The following ADNP variants were observed in gnomAD, a reference collection of about 807,000 sequenced individuals.
ADNP encodes activity dependent neuroprotector homeobox.
Under a neutral mutation model 84.9 loss-of-function variants are expected in ADNP, and 4 were observed. That is an observed-to-expected ratio of 0.05 (90% CI 0.02 to 0.11). The LOEUF (loss-of-function observed/expected upper bound fraction) is 0.11, where lower values mean the gene tolerates loss of function less well. Among genes scored for constraint, ADNP ranks in the 10% least tolerant of loss-of-function variants. The pLI is 1.00. For synonymous variants in ADNP, 554 were observed against 468.1 expected (o/e 1.18, Z -2.37); for missense variants, 1,132 against 1,326.0 (o/e 0.85, Z 2.27).
intron 2 of ADNP, among the ~76,000 whole-genome samples, chr20:50,927,560 C>CA (rs1568748562): frequency 2.1e-5 from 3 of 144,404 alleles, no homozygotes; most frequent in Non-Finnish European, 4.6e-5. Flanking sequence ...AATTGTTTCA[C>CA]TTTTTTTTTT....
At chr20:50,903,356 G>A (rs754702304) in intron 4 of ADNP, among the ~76,000 whole-genome samples, 2 of 152,180 alleles carry the variant, frequency 1.3e-5, no homozygotes, top group African/African-American at 4.8e-5. Context: ...AAGGGGGAAA[G>A]TAATAGTCTA....
At chr20:50,919,863 G>C (rs998092182) in intron 2 of ADNP, among the ~76,000 whole-genome samples, 2 of 152,186 alleles carry the variant, frequency 1.3e-5, no homozygotes, top group Non-Finnish European at 2.9e-5. Flanking sequence ...GGAAAGGCAG[G>C]GTGAGGATAG....
chr20:50,892,888 G>A lies in ADNP; in HGVS notation c.1826C>T (p.Pro609Leu). The A allele has an allele frequency of 1.2e-6, 2 of 1,614,250 alleles. No homozygotes were observed. The highest frequency in any genetic ancestry group is 1.7e-6 in the Non-Finnish European group (2 of 1,180,044). Residue 609 changes from proline to leucine, a missense_variant, in exon 6 of 6, where the codon CCT (proline) becomes CTT (leucine). By Grantham distance (98) the Pro-to-Leu change is moderately conservative (BLOSUM62 -3). Around this residue, in one of 10 missense-constraint regions of ADNP, gnomAD observed 53 missense variants for 39.8 expected, o/e 1.33. Transcript: ENST00000621696. ...EKADIPVKSS[P>L]QAAVPYKKDV... is the part of the protein sequence containing the mutation. ...TTTTTTATAGGGCACTGCAGCTTGA[G>A]GTGAACTTTTTACAGGGATATCTGC...
intron 2 of ADNP, among the ~76,000 whole-genome samples, chr20:50,924,278 A>C (rs1024482455): frequency 2.0e-4 from 31 of 152,304 alleles, no homozygotes; most frequent in Admixed American, 9.1e-4. Flanking sequence ...GAAATATGCT[A>C]CTCCAATTAA....
At position 50,893,229 on chromosome 20, in the gene ADNP, A is replaced by G. The variant is rs2122752816; in HGVS notation, c.1485T>C (p.Asn495=). ...HNFTSKCLYC[N]RYLPTDTLLN... ...GCAGAGTATCTGTGGGTAAATAGCG[A>G]TTACAGTAGAGGCATTTGCTAGTAA... The change falls in exon 6 of 6, where the codon AAT becomes AAC. Residue 495 remains asparagine, a synonymous_variant. Coordinates refer to ENST00000621696, the MANE Select transcript of ADNP (RefSeq NM_001282531.3). This position sits in a 1 kb window ranked among gnomAD's most constrained non-coding sequence, Gnocchi z 4.4. The G allele has an allele frequency of 6.2e-7, 1 of 1,614,264 alleles. No individual in the cohort carries two copies. Among genetic ancestry groups the G allele is most frequent in the Non-Finnish European group, 8.5e-7 (1 of 1,180,056 alleles).
chr20:50,917,581 T>C (rs551213208), intron 2 of ADNP, among the ~76,000 whole-genome samples: 3 of 152,358 alleles, frequency 2.0e-5, no homozygotes, highest in Admixed American at 6.5e-5. Context: ...TCTAAGCATG[T>C]TCTTCTGAAA....
chr20:50,912,249 C>A (rs955904853), intron 2 of ADNP, among the ~76,000 whole-genome samples: 3 of 152,152 alleles, frequency 2.0e-5, no homozygotes, highest in African/African-American at 7.2e-5. Context: ...CAGGTTCCAG[C>A]GATTCTCCCA....
chr20:50,901,784 T>C (rs1157592769), intron 5 of ADNP, among the ~76,000 whole-genome samples: 1 of 152,232 alleles, frequency 6.6e-6, no homozygotes, highest in Non-Finnish European at 1.5e-5. Context: ...CTTCGTAACT[T>C]TTAAGTAACA....
rs374423879 is a variant in ADNP, at chr20:50,891,714, A to G, written c.3000T>C (p.Ser1000=). 4 of 1,614,038 alleles carry G rather than the reference A, an allele frequency of 2.5e-6. No homozygotes were observed. The African/African-American group carries it at 5.3e-5, about 22-fold the overall frequency. Residue 1000 remains serine (S), a synonymous_variant, in exon 6 of 6, where the codon TCT becomes TCC. Coordinates refer to ENST00000621696, the MANE Select transcript of ADNP (RefSeq NM_001282531.3). ...EMKPGTWSDE[S]SQSEDARSSK... ...TGCTCCTTGCATCTTCGCTTTGGGA[A>G]GACTCGTCAGACCAGGTTCCTGGTT...
Position 50,907,750 on chromosome 20 carries a change from A to G in ADNP, c.-89-2901T>C, listed in dbSNP as rs555976710. On this transcript the variant is annotated intron_variant, in intron 2 of 5. Transcript: ENST00000621696. ...GCACACTACCTAGACGCCTGGCTAT[A>G]TTTTGTGTGTGTGTGTGTGTTTTTT... Among the ~76,000 whole-genome samples the G allele has an allele frequency of 3.3e-5, 4 of 122,986 alleles. No homozygotes were observed. In the South Asian group the frequency reaches 9.3e-4, roughly 29 times the overall value. 80.7% of individuals were successfully genotyped at this position (122,986 alleles called of 152,430 possible).
intron 2 of ADNP, 162 bp from the exon 3 acceptor site, chr20:50,905,011 T>G (rs1982334502): frequency 6.6e-6 from 1 of 152,196 alleles, no homozygotes; most frequent in Non-Finnish European, 1.5e-5. Context: ...AAATGTTAAC[T>G]GTTACAGACT....
rs970531180 is a variant in ADNP, at chr20:50,889,008, G to T, written c.*2397C>A. The T allele has an allele frequency of 6.6e-6, 1 of 152,138 alleles. No individual in the cohort carries two copies. Among genetic ancestry groups the T allele is most frequent in the African/African-American group, 2.4e-5 (1 of 41,426 alleles). The allele number at this position is 152,138 out of a possible 1,614,324, so 9.4% of individuals were successfully genotyped here. A position where few individuals can be genotyped will look rare whatever the true frequency, so the allele number is the denominator to read the frequency against. ...GTGGCAGCACGTTGCCATAGCCAAC[G>T]ATCTCCAGATTATTTGAAAAGCAAA... is the stretch of plus-strand genomic sequence containing the variant. On this transcript the variant is annotated 3_prime_UTR_variant, in exon 6 of 6. Coordinates refer to ENST00000621696, the MANE Select transcript of ADNP (RefSeq NM_001282531.3).
At chr20:50,930,521 T>A (rs1169830635) in intron 1 of ADNP, among the ~76,000 whole-genome samples, 1 of 151,362 alleles carries the variant, frequency 6.6e-6, no homozygotes, top group Non-Finnish European at 1.5e-5. Context: ...TGCCCTTAGC[T>A]GCAAAAGCTC....
At chr20:50,912,663 A>C (rs2122910532) in intron 2 of ADNP, among the ~76,000 whole-genome samples, 1 of 152,312 alleles carries the variant, frequency 6.6e-6, no homozygotes, top group African/African-American at 2.4e-5. Context: ...ATCTGGGCCT[A>C]GTGGGCAATC....
At position 50,894,097 on chromosome 20, in the gene ADNP, T is replaced by C; in HGVS notation, c.617A>G (p.Asn206Ser). The change falls in exon 6 of 6, where the codon AAT becomes AGT. Residue 206 changes from asparagine (N) to serine (S), a missense_variant. Asn to Ser is a conservative substitution (Grantham distance 46). Coordinates refer to ENST00000621696, the MANE Select transcript of ADNP (RefSeq NM_001282531.3). Reference sequence around the variant, plus strand: ...ATTCGAGCCTAAGGGGACTGCCCCATTGAGTGATTTTTCTCCTGCCTTTGC... The same window carrying C: ...ATTCGAGCCTAAGGGGACTGCCCCACTGAGTGATTTTTCTCCTGCCTTTGC... ...YIAKAGEKSL[N>S]GAVPLGSNAR... 1 of 1,614,140 alleles carries C rather than the reference T, an allele frequency of 6.2e-7. No homozygotes were observed. Among genetic ancestry groups the C allele is most frequent in the Non-Finnish European group, 8.5e-7 (1 of 1,180,002 alleles).
At chr20:50,927,310 C>T (rs1230673936) in intron 2 of ADNP, among the ~76,000 whole-genome samples, 1 of 152,130 alleles carries the variant, frequency 6.6e-6, no homozygotes, top group Non-Finnish European at 1.5e-5. Context: ...TCAGCCCAAT[C>T]TCCTATATTT....
chr20:50,891,863 T>C lies in ADNP; in HGVS notation c.2851A>G (p.Asn951Asp), dbSNP rs756086209. ...TGGTCAACCTCACTATCAGATGCATTGTGCATTAGTTTGGTTGGTTCCTCA... is the reference window on the plus strand; with the variant it reads ...TGGTCAACCTCACTATCAGATGCATCGTGCATTAGTTTGGTTGGTTCCTCA... ...LTEEPTKLMH[N>D]ASDSEVDQDD... Residue 951 changes from asparagine (N) to aspartate (D), a missense_variant, in exon 6 of 6, where the codon AAT becomes GAT. This residue lies in a region of ADNP where 381 missense variants were observed against 319.9 expected (regional missense o/e 1.19). Coordinates refer to ENST00000621696, the MANE Select transcript of ADNP (RefSeq NM_001282531.3). The C allele has an allele frequency of 2.5e-5, 41 of 1,614,114 alleles. No individual in the cohort carries two copies. Among genetic ancestry groups the C allele is most frequent in the Non-Finnish European group, 3.3e-5 (39 of 1,180,064 alleles).
rs1314941145 is a variant in ADNP, at chr20:50,930,993, G to C, written c.-432C>G. On this transcript the variant is annotated 5_prime_UTR_variant, in exon 1 of 6. Transcript: ENST00000621696. Reference sequence around the variant, plus strand: ...GACTCCGGCTCGCGCCGCGGCCGCGGGTGCTGCCGGGGGGCGCGGCGGGCG... The same window carrying C: ...GACTCCGGCTCGCGCCGCGGCCGCGCGTGCTGCCGGGGGGCGCGGCGGGCG... The C allele has an allele frequency of 6.8e-6, 1 of 146,280 alleles. No homozygotes were observed. The highest frequency in any genetic ancestry group is 1.5e-5 in the Non-Finnish European group (1 of 65,506). 9.1% of individuals were successfully genotyped at this position (146,280 alleles called of 1,614,324 possible).
intron 2 of ADNP, among the ~76,000 whole-genome samples, chr20:50,918,950 T>C (rs1230724830): frequency 2.6e-5 from 4 of 152,160 alleles, no homozygotes; most frequent in Non-Finnish European, 4.4e-5. Context: ...ACCTACCAAT[T>C]ATACAAAAAT....
Sources: allele counts gnomAD v4.1 joint callset (sites outside exome capture counted in the v4.1 genomes callset), GRCh38; gene constraint gnomAD v4.1.1; regional missense constraint gnomAD v4.1.1; non-coding constraint Gnocchi (gnomAD v3.1); transcripts MANE v1.5; gene names NCBI Gene and HGNC (gene_info 2026-07-23, HGNC 2026-07-21).